Variants in ITGAM observed in about 807,000 individuals in gnomAD.
The protein encoded by ITGAM is integrin alpha-M.
A neutral mutation model predicts 137.5 loss-of-function variants in ITGAM; 79 were observed. The observed-to-expected ratio is 0.57, with a 90% confidence interval of 0.48 to 0.69. The LOEUF is 0.69. ITGAM is among the 30% of genes least tolerant of loss of function. ITGAM has a pLI of 0.00. For synonymous variants in ITGAM, 583 were observed against 592.3 expected (o/e 0.98, Z 0.23); for missense variants, 1,343 against 1,483.5 (o/e 0.91, Z 1.56).
intron 12 of ITGAM, among the ~76,000 whole-genome samples, chr16:31,295,962 C>T (rs1042048665): frequency 2.6e-5 from 4 of 151,546 alleles, no homozygotes; most frequent in East Asian, 1.9e-4. Flanking sequence ...CTTTTTTTTG[C>T]GTATATTGAG....
At chr16:31,314,417 G>A (rs1430626162) in intron 14 of ITGAM, among the ~76,000 whole-genome samples, 2 of 152,086 alleles carry the variant, frequency 1.3e-5, no homozygotes, top group Non-Finnish European at 2.9e-5. Flanking sequence ...TAAGGTGTAA[G>A]GAAGGGATCT....
intron 29 of ITGAM, 144 bp from the exon 30 acceptor site, chr16:31,331,492 C>A (rs2080582311): frequency 2.9e-6 from 2 of 682,534 alleles, no homozygotes; most frequent in East Asian, 2.7e-5. Flanking sequence ...TTTCTCCAGG[C>A]CCCGACGCGG....
intron 14 of ITGAM, among the ~76,000 whole-genome samples, chr16:31,300,359 C>T (rs1034032558): frequency 3.9e-5 from 6 of 152,204 alleles, no homozygotes; most frequent in Non-Finnish European, 7.3e-5. Context: ...AACTTCCATA[C>T]GTTTTCCCTA....
chr16:31,270,784 G>A (rs1268290392), intron 5 of ITGAM, among the ~76,000 whole-genome samples, 170 bp from the exon 6 acceptor site: 8 of 99,934 alleles, frequency 8.0e-5, no homozygotes, highest in South Asian at 7.0e-4. Flanking sequence ...ATACACACAC[G>A]TTAAAAATTA....
chr16:31,285,904 T>G (rs919525004), intron 12 of ITGAM, among the ~76,000 whole-genome samples: 16 of 151,634 alleles, frequency 1.1e-4, no homozygotes, highest in African/African-American at 3.9e-4. Flanking sequence ...ACTCCTGAGC[T>G]CAAGCAATCC....
rs144795335 is a variant in ITGAM at position 31,296,271 on chromosome 16, A to ATT, written c.1357-1231_1357-1230dup. Among the ~76,000 whole-genome samples, 886 of 143,988 alleles carry ATT rather than the reference A, an allele frequency of 6.2e-3. 12 individuals are homozygous for ATT. The highest frequency in any genetic ancestry group is 0.016 in the East Asian group (76 of 4,900). The allele number at this position is 143,988 out of a possible 152,430, so 94.5% of individuals were successfully genotyped here. On this transcript the variant is annotated intron_variant, in intron 12 of 29. Transcript: ENST00000544665. ...AGGCGCCCGCCACCATGCCCTGCTA[A>ATT]TTTTTTTTTTTTTGTATTTTTAGTA...
In ITGAM at chr16:31,264,647, GA is replaced by G. The variant is rs1318200134; in HGVS notation, c.135-736del. Among the ~76,000 whole-genome samples, 138 of 141,572 alleles carry G rather than the reference GA, an allele frequency of 9.7e-4. 1 individual carries two copies. Among genetic ancestry groups the G allele is most frequent in the African/African-American group, 2.1e-3 (81 of 38,586 alleles). The allele number at this position is 141,572 out of a possible 152,430, so 92.9% of individuals were successfully genotyped here. ...CAACAGGGTGAGACCCTGTCTCAAAGAAAAAAAAAAAATGGTTGGCCTGGGA... is the reference window on the plus strand; with the variant it reads ...CAACAGGGTGAGACCCTGTCTCAAAGAAAAAAAAAAATGGTTGGCCTGGGA... On this transcript the variant is annotated intron_variant, in intron 2 of 29. Coordinates refer to ENST00000544665, the MANE Select transcript of ITGAM (RefSeq NM_000632.4).
At chr16:31,322,904 T>C (rs927337413) in intron 16 of ITGAM, among the ~76,000 whole-genome samples, 5 of 152,038 alleles carry the variant, frequency 3.3e-5, no homozygotes, top group Non-Finnish European at 7.4e-5. Context: ...AAGACAGTCA[T>C]TTGAAAGTAT....
At chr16:31,297,016 T>C (rs1380668029) in intron 12 of ITGAM, among the ~76,000 whole-genome samples, 2 of 152,232 alleles carry the variant, frequency 1.3e-5, no homozygotes, top group Non-Finnish European at 2.9e-5. Flanking sequence ...GGTGGTATTC[T>C]GTCTTCTCTT....
At position 31,321,498 on chromosome 16, in the gene ITGAM, G is replaced by A; in HGVS notation, c.1873G>A (p.Glu625Lys). ...QPVLRVKAIM[E>K]FNPREVARNV... ...AGTACTGAGAGTCAAGGCAATCATG[G>A]AGTTCAATCCCAGGGAAGTGGCAAG... Residue 625 changes from glutamate (E) to lysine (K), a missense_variant, in exon 16 of 30, where the codon GAG becomes AAG. Coordinates refer to ENST00000544665, the MANE Select transcript of ITGAM (RefSeq NM_000632.4). The A allele has an allele frequency of 6.2e-7, 1 of 1,614,024 alleles. No homozygotes were observed. Among genetic ancestry groups the A allele is most frequent in the Non-Finnish European group, 8.5e-7 (1 of 1,179,888 alleles).
At chr16:31,277,940 CT>C in intron 11 of ITGAM, 26 bp from the exon 12 acceptor site, 1 of 1,567,746 alleles carries the variant, frequency 6.4e-7, no homozygotes, top group African/African-American at 1.4e-5. Flanking sequence ...AGGGAATGCA[CT>C]TCACCTCTCA....
intron 22 of ITGAM, among the ~76,000 whole-genome samples, chr16:31,327,423 C>CA (rs71151472): frequency 0.21 from 28,815 of 139,608 alleles, 3,620 homozygotes; most frequent in South Asian, 0.49. Flanking sequence ...CCTGTTTCTA[C>CA]AAAAAAAAAA....
chr16:31,288,153 A>G (rs13338069), intron 12 of ITGAM, among the ~76,000 whole-genome samples: 21,594 of 151,706 alleles, frequency 0.14, 1,706 homozygotes, highest in South Asian at 0.2. Flanking sequence ...GAGGAGGGAG[A>G]GAGAATGGAA....
At chr16:31,273,064 C>G (rs182428772) in intron 7 of ITGAM, among the ~76,000 whole-genome samples, 1 of 151,680 alleles carries the variant, frequency 6.6e-6, no homozygotes, top group Non-Finnish European at 1.5e-5. Flanking sequence ...TTTAGGAGGC[C>G]GAGGTGGGAG....
At chr16:31,289,460 A>T (rs2080063452) in intron 12 of ITGAM, among the ~76,000 whole-genome samples, 1 of 152,208 alleles carries the variant, frequency 6.6e-6, no homozygotes, top group Non-Finnish European at 1.5e-5. Flanking sequence ...TTGTAGGGAC[A>T]TGGATGAAGC....
intron 12 of ITGAM, among the ~76,000 whole-genome samples, chr16:31,281,504 T>C (rs1038483608): frequency 6.6e-6 from 1 of 152,138 alleles, no homozygotes; most frequent in African/African-American, 2.4e-5. Flanking sequence ...AGTTTATTTG[T>C]GTAGAGGTGT....
intron 6 of ITGAM, 108 bp from the exon 7 acceptor site, chr16:31,271,739 G>C (rs1197039189): frequency 8.1e-6 from 11 of 1,349,720 alleles, no homozygotes; most frequent in African/African-American, 2.9e-5. Context: ...GCAGCACAGA[G>C]GAGGAATTTG....
rs1213518946 is a variant in ITGAM, at chr16:31,325,465, T to G, written c.2506-35T>G. 2.5e-6 allele frequency: 4 copies of G among 1,613,070 alleles called. No homozygotes were observed. In the Admixed American group the frequency reaches 5.0e-5, roughly 20 times the overall value. On this transcript the variant is annotated intron_variant, in intron 20 of 29. Transcript: ENST00000544665. ...GCTTCCCCATCCTCACGGCCGGAGG[T>G]GGATATCACCGCCTTTGCCTCCCCT...
chr16:31,283,583 G>C (rs2079994027), intron 12 of ITGAM, among the ~76,000 whole-genome samples: 1 of 152,198 alleles, frequency 6.6e-6, no homozygotes, highest in South Asian at 2.1e-4. Context: ...GTCATTTAAG[G>C]TCTTCTCTAT....
Sources: allele counts gnomAD v4.1 joint callset (sites outside exome capture counted in the v4.1 genomes callset), GRCh38; gene constraint gnomAD v4.1.1; transcripts MANE v1.5; gene names NCBI Gene and HGNC (gene_info 2026-07-23, HGNC 2026-07-21).